GRIN2B: variants seen among roughly 807,000 people sequenced by gnomAD.
The protein encoded by GRIN2B is glutamate receptor ionotropic, NMDA 2B.
Under a neutral mutation model 114.5 loss-of-function variants are expected in GRIN2B, and 5 were observed. The ratio of observed to expected loss-of-function variants is 0.04; its 90% CI spans 0.02 to 0.09. GRIN2B has a LOEUF of 0.09. GRIN2B is among the 10% of genes least tolerant of loss of function. GRIN2B has a pLI of 1.00. For missense variants in GRIN2B, 1,108 were observed against 1,943.5 expected, an observed-to-expected ratio of 0.57 and a Z score of 8.08; for synonymous variants, 787 against 745.1, an observed-to-expected ratio of 1.06 and a Z score of -0.92.
chr12:13,695,429 G>A (rs1190487026), intron 4 of GRIN2B, among the ~76,000 whole-genome samples: 1 of 152,162 alleles, frequency 6.6e-6, no homozygotes, highest in Non-Finnish European at 1.5e-5. Context: ...AGAAGCTGGT[G>A]GGGAGCAAGC....
chr12:13,961,374 C>T (rs1295322945), intron 2 of GRIN2B, among the ~76,000 whole-genome samples: 4 of 151,870 alleles, frequency 2.6e-5, no homozygotes, highest in Admixed American at 2.6e-4. Context: ...AGAGAGATAC[C>T]ATAGGGAAGA....
rs1310165167 is a variant in GRIN2B, at chr12:13,981,367, A to T, written c.-473T>A. On this transcript the variant is annotated 5_prime_UTR_variant, in exon 1 of 14. Transcript: ENST00000609686. Reference sequence around the variant, plus strand: ...CGGCTCCGAGCGCCTCCGCGGTTGCAGTCTGCGGAGAGGGGTGGCCGGTGG... The same window carrying T: ...CGGCTCCGAGCGCCTCCGCGGTTGCTGTCTGCGGAGAGGGGTGGCCGGTGG... The T allele has an allele frequency of 6.6e-6, 1 of 152,272 alleles. No individual in the cohort carries two copies. The highest frequency in any genetic ancestry group is 2.4e-5 in the African/African-American group (1 of 41,530). The allele number at this position is 152,272 out of a possible 1,614,324, so 9.4% of individuals were successfully genotyped here.
chr12:13,900,106 T>C (rs540103489), intron 2 of GRIN2B, among the ~76,000 whole-genome samples: 1 of 152,208 alleles, frequency 6.6e-6, no homozygotes, highest in Admixed American at 6.5e-5. Context: ...CTCTACAAGT[T>C]CTTTTCATAT....
chr12:13,737,045 AAG>A (rs1555129592), intron 4 of GRIN2B, among the ~76,000 whole-genome samples: 140 of 111,884 alleles, frequency 1.3e-3, no homozygotes, highest in African/African-American at 4.0e-3. Flanking sequence ...AAAAAAAAAA[AAG>A]AAGAAGAAAA....
In GRIN2B at chr12:13,541,589, G is replaced by A. The variant is rs141114615; in HGVS notation, c.*21194C>T. The A allele has an allele frequency of 6.6e-5, 10 of 152,332 alleles. No homozygotes were observed. In the East Asian group the frequency reaches 1.9e-3, roughly 29 times the overall value. The allele number at this position is 152,332 out of a possible 1,614,324, so 9.4% of individuals were successfully genotyped here. A position where few individuals can be genotyped will look rare whatever the true frequency, so the allele number is the denominator to read the frequency against. ...AGTAAGGTATGACTGAGTTGGCTGT[G>A]ATACCTTAAGAACTCAAGATGTGGC... On this transcript the variant is annotated 3_prime_UTR_variant, in exon 14 of 14. Coordinates refer to ENST00000609686, the MANE Select transcript of GRIN2B (RefSeq NM_000834.5).
At chr12:13,893,494 T>C (rs1337394207) in intron 2 of GRIN2B, among the ~76,000 whole-genome samples, 1 of 152,138 alleles carries the variant, frequency 6.6e-6, no homozygotes, top group Non-Finnish European at 1.5e-5. Context: ...GGAAGAAATA[T>C]ACCAAAATAT....
At chr12:13,827,037 T>G (rs11834511) in intron 3 of GRIN2B, among the ~76,000 whole-genome samples, 1 of 151,372 alleles carries the variant, frequency 6.6e-6, no homozygotes, top group Non-Finnish European at 1.5e-5. Context: ...TTTTTTAATG[T>G]TTTTCAGTAT....
intron 2 of GRIN2B, among the ~76,000 whole-genome samples, chr12:13,895,813 G>A (rs1228513966): frequency 1.3e-5 from 2 of 151,916 alleles, no homozygotes; most frequent in African/African-American, 4.8e-5. Context: ...CATGCTATGT[G>A]AGCTCCTCTA....
chr12:13,936,323 G>A (rs1161836760), intron 2 of GRIN2B, among the ~76,000 whole-genome samples: 3 of 152,154 alleles, frequency 2.0e-5, no homozygotes, highest in Admixed American at 1.3e-4. Flanking sequence ...AACATCTGTG[G>A]CATCAATCTG....
At chr12:13,715,390 T>C (rs1288935594) in intron 4 of GRIN2B, among the ~76,000 whole-genome samples, 1 of 151,848 alleles carries the variant, frequency 6.6e-6, no homozygotes, top group Admixed American at 6.6e-5. Context: ...CTGGCAAGAA[T>C]AAAATGATAA....
intron 4 of GRIN2B, among the ~76,000 whole-genome samples, chr12:13,743,732 G>A (rs1319874955): frequency 2.0e-5 from 3 of 151,986 alleles, no homozygotes; most frequent in African/African-American, 7.3e-5. Flanking sequence ...GCCTTCACAT[G>A]TTTGTTATAA....
chr12:13,812,551 C>G (rs1012471355), intron 3 of GRIN2B, among the ~76,000 whole-genome samples: 1 of 152,106 alleles, frequency 6.6e-6, no homozygotes, highest in Non-Finnish European at 1.5e-5. Flanking sequence ...TGCTACACTA[C>G]TTTGCATTCA....
intron 4 of GRIN2B, among the ~76,000 whole-genome samples, chr12:13,726,630 TTTC>T (rs1270714918): frequency 2.0e-5 from 3 of 147,672 alleles, no homozygotes; most frequent in African/African-American, 5.2e-5. Context: ...CTATTAACTT[TTTC>T]TTCTTTTTTA....
rs148625092 is a variant in GRIN2B at position 13,563,849 on chromosome 12, C to T, written c.3389G>A (p.Arg1130Gln). 6.4e-5 allele frequency: 103 copies of T among 1,614,082 alleles called. No individual in the cohort carries two copies. The African/African-American group carries it at 1.3e-3, about 20-fold the overall frequency. ...TCGGAACTGGTCCAGGTAGAAGTCCCGTAGCCCTTCCTTGTCCCTGAAGTA... is the reference window on the plus strand; with the variant it reads ...TCGGAACTGGTCCAGGTAGAAGTCCTGTAGCCCTTCCTTGTCCCTGAAGTA... Reference protein sequence around the residue: ...KRYFRDKEGLRDFYLDQFRTK... With the variant: ...KRYFRDKEGLQDFYLDQFRTK... Residue 1130 changes from arginine to glutamine, a missense_variant, in exon 14 of 14, where the codon CGG becomes CAG. This residue lies in a region of GRIN2B where 478 missense variants were observed against 506.0 expected (regional missense o/e 0.94). Transcript: ENST00000609686.
intron 2 of GRIN2B, among the ~76,000 whole-genome samples, chr12:13,904,018 T>C (rs1280686110): frequency 6.6e-6 from 1 of 152,066 alleles, no homozygotes; most frequent in Non-Finnish European, 1.5e-5. Flanking sequence ...TTGCATGGCA[T>C]CTGTTTTTCC....
At position 13,937,298 on chromosome 12, in the gene GRIN2B, G is replaced by C. The variant is rs571331809; in HGVS notation, c.-19+42630C>G. 4.6e-5 allele frequency among the ~76,000 whole-genome samples: 7 copies of C among 151,772 alleles called. No individual in the cohort carries two copies. The East Asian group carries it at 1.4e-3, about 29-fold the overall frequency. On this transcript the variant is annotated intron_variant, in intron 2 of 13. Transcript: ENST00000609686. ...CCAATTTGATTTTCACTGACTTACAGGTCCAAGAAGCTCAGCAAACCCAAG... is the reference window on the plus strand; with the variant it reads ...CCAATTTGATTTTCACTGACTTACACGTCCAAGAAGCTCAGCAAACCCAAG...
intron 3 of GRIN2B, among the ~76,000 whole-genome samples, chr12:13,852,692 G>GAAAAAA (rs56860420): frequency 3.1e-5 from 3 of 95,896 alleles, no homozygotes. Flanking sequence ...GAGAGATGAG[G>GAAAAAA]AAAAAAAAAA....
At chr12:13,785,666 G>A (rs529221922) in intron 3 of GRIN2B, among the ~76,000 whole-genome samples, 18 of 152,234 alleles carry the variant, frequency 1.2e-4, no homozygotes, top group African/African-American at 2.6e-4. Flanking sequence ...TAACACCAAC[G>A]ACAATATTAA....
chr12:13,876,334 C>T (rs986340752), intron 2 of GRIN2B, among the ~76,000 whole-genome samples: 4 of 152,180 alleles, frequency 2.6e-5, no homozygotes, highest in African/African-American at 9.7e-5. Context: ...GCATCTAGCA[C>T]AATGCAGTTA....
Sources: gnomAD v4.1 joint callset for allele counts (sites outside exome capture counted in the v4.1 genomes callset) on GRCh38, gnomAD v4.1.1 for gene constraint, gnomAD v4.1.1 regional missense constraint, MANE v1.5 for transcripts, NCBI Gene and HGNC (gene_info 2026-07-23, HGNC 2026-07-21) for gene names.